DYNC1LI1: variants seen among roughly 807,000 people sequenced by gnomAD.
DYNC1LI1 encodes dynein cytoplasmic 1 light intermediate chain 1, also known as cytoplasmic dynein 1 light intermediate chain 1.
A neutral mutation model predicts 63.8 loss-of-function variants in DYNC1LI1; 19 were observed. That is an observed-to-expected ratio of 0.30 (90% CI 0.21 to 0.44). DYNC1LI1 has a LOEUF of 0.44. Ranked by LOEUF, DYNC1LI1 falls within the 20% of genes least tolerant of loss-of-function variation. The pLI is 1.00. For synonymous variants in DYNC1LI1, 225 were observed against 232.3 expected, an observed-to-expected ratio of 0.97 and a Z score of 0.28; for missense variants, 565 against 630.2, an observed-to-expected ratio of 0.90 and a Z score of 1.11.
At chr3:32,539,070 G>A (rs897842944) in intron 5 of DYNC1LI1, among the ~76,000 whole-genome samples, 2 of 151,930 alleles carry the variant, frequency 1.3e-5, no homozygotes, top group Admixed American at 6.6e-5. Flanking sequence ...TAGTGCTGAC[G>A]GAACCAATGG....
At chr3:32,551,730 A>G (rs1391631215) in intron 2 of DYNC1LI1, among the ~76,000 whole-genome samples, 1 of 152,192 alleles carries the variant, frequency 6.6e-6, no homozygotes, top group Non-Finnish European at 1.5e-5. Context: ...CAGACAGAGA[A>G]GTCAGAGAAG....
At chr3:32,532,865 C>T (rs963091609) in intron 8 of DYNC1LI1, 121 bp downstream of exon 8, 1 of 1,373,722 alleles carries the variant, frequency 7.3e-7, no homozygotes, top group Non-Finnish European at 9.4e-7. Context: ...CAAAATTATA[C>T]TTAGAAACCC....
At chr3:32,538,011 A>AT (rs1697816003) in intron 5 of DYNC1LI1, among the ~76,000 whole-genome samples, 1 of 19,598 alleles carries the variant, frequency 5.1e-5, no homozygotes, top group Non-Finnish European at 7.9e-5. Flanking sequence ...TATATATAAT[A>AT]TATATATATA....
At chr3:32,558,808 T>C (rs758087854) in intron 2 of DYNC1LI1, among the ~76,000 whole-genome samples, 59 of 151,590 alleles carry the variant, frequency 3.9e-4, no homozygotes, top group Non-Finnish European at 7.2e-4. Flanking sequence ...ATCGCACCAT[T>C]GCACTCTAGC....
rs778624126 is a variant in DYNC1LI1, at chr3:32,570,659, C to G, written c.112G>C (p.Ala38Pro). The stretch of plus-strand genomic sequence containing the variant: ...TGCCCGTCCTCGTCGTCGCCTGCCG[C>G]GGCGCCACCGTTGCCCGACGCTATC... The part of the protein sequence containing the change: ...NEIASGNGGA[A>P]AGDDEDGQNL... The change falls in exon 1 of 13, where the codon GCG becomes CCG. Residue 38 changes from alanine to proline, a missense_variant. Coordinates refer to ENST00000273130, the MANE Select transcript of DYNC1LI1 (RefSeq NM_016141.4). 10 of 1,597,756 alleles carry G rather than the reference C, an allele frequency of 6.3e-6. No individual in the cohort carries two copies. Among genetic ancestry groups the G allele is most frequent in the Non-Finnish European group, 8.5e-6 (10 of 1,172,994 alleles).
chr3:32,538,642 TG>T (rs1256311210), intron 5 of DYNC1LI1, among the ~76,000 whole-genome samples: 1 of 151,758 alleles, frequency 6.6e-6, no homozygotes, highest in Non-Finnish European at 1.5e-5. Flanking sequence ...CGGAGCTCGC[TG>T]TGAGCCAAGA....
chr3:32,537,390 C>T (rs1697788711), intron 5 of DYNC1LI1: 1 of 178,822 alleles, frequency 5.6e-6, no homozygotes. Flanking sequence ...AATAACAAGC[C>T]TAGCTTGTTC....
chr3:32,570,456 C>T (rs1469012179), intron 1 of DYNC1LI1, 37 bp from the exon 2 acceptor site: 4 of 1,553,654 alleles, frequency 2.6e-6, no homozygotes, highest in Non-Finnish European at 3.5e-6. Flanking sequence ...GGCCGGAGGC[C>T]GGAGCCGCAG....
intron 5 of DYNC1LI1, among the ~76,000 whole-genome samples, chr3:32,540,010 GCCCGCCA>G (rs1047740353): frequency 2.7e-5 from 4 of 150,936 alleles, no homozygotes; most frequent in Non-Finnish European, 4.4e-5. Context: ...GACTAAAGGC[GCCCGCCA>G]CCACGCCTGG....
chr3:32,559,903 T>C (rs1698166786), intron 2 of DYNC1LI1, among the ~76,000 whole-genome samples: 3 of 152,322 alleles, frequency 2.0e-5, no homozygotes, highest in East Asian at 1.9e-4. Context: ...ATCTTCTGCA[T>C]GGCCTTCCAC....
At chr3:32,563,622 C>T (rs1164987022) in intron 2 of DYNC1LI1, among the ~76,000 whole-genome samples, 5 of 152,190 alleles carry the variant, frequency 3.3e-5, no homozygotes, top group African/African-American at 4.8e-5. Context: ...GAGTCCCACG[C>T]TAAATTTTAG....
intron 2 of DYNC1LI1, among the ~76,000 whole-genome samples, chr3:32,563,618 C>T (rs1698221594): frequency 6.6e-6 from 1 of 152,120 alleles, no homozygotes. Context: ...GACAGAGTCC[C>T]ACGCTAAATT....
intron 2 of DYNC1LI1, among the ~76,000 whole-genome samples, chr3:32,566,089 C>G (rs9882197): frequency 0.03 from 4,506 of 152,126 alleles, 238 homozygotes; most frequent in African/African-American, 0.1. Context: ...TTGGGCAACA[C>G]GGTGAGACCT....
At chr3:32,533,347 T>C (rs900488634) in intron 7 of DYNC1LI1, among the ~76,000 whole-genome samples, 2 of 152,120 alleles carry the variant, frequency 1.3e-5, no homozygotes, top group African/African-American at 2.4e-5. Context: ...CATGGTGGCA[T>C]GCACCTGTAG....
Position 32,526,874 on chromosome 3 carries a change from T to C in DYNC1LI1, c.1497A>G (p.Leu499=). The part of the protein sequence containing the change: ...QKPVLDVHAE[L]DRITRKPVTV... ...TAACTGGTTTTCGTGTAATTCTGTC[T>C]AGTTCTGCATGAACATCTAAGACAG... The change falls in exon 13 of 13, where the codon CTA becomes CTG. Residue 499 remains leucine, a synonymous_variant. Transcript: ENST00000273130. The C allele has an allele frequency of 6.2e-7, 1 of 1,614,046 alleles. No individual in the cohort carries two copies. Among genetic ancestry groups the C allele is most frequent in the South Asian group, 1.1e-5 (1 of 91,080 alleles).
chr3:32,564,987 GA>G (rs1227076816), intron 2 of DYNC1LI1, among the ~76,000 whole-genome samples: 6 of 152,026 alleles, frequency 3.9e-5, no homozygotes, highest in Admixed American at 1.3e-4. Context: ...TGAAGGGGGG[GA>G]AAAAAGACTT....
chr3:32,556,379 C>A (rs2125442923), intron 2 of DYNC1LI1, among the ~76,000 whole-genome samples: 1 of 152,316 alleles, frequency 6.6e-6, no homozygotes, highest in Middle Eastern at 3.4e-3. Context: ...GGTATGTCCC[C>A]CACATTCAAC....
intron 7 of DYNC1LI1, among the ~76,000 whole-genome samples, chr3:32,534,106 T>C (rs558131604): frequency 9.9e-5 from 15 of 151,654 alleles, no homozygotes; most frequent in Non-Finnish European, 1.8e-4. Flanking sequence ...CTCGAACTCC[T>C]GACATCAGGT....
intron 2 of DYNC1LI1, among the ~76,000 whole-genome samples, chr3:32,558,381 T>TC (rs1698143672): frequency 6.9e-6 from 1 of 145,416 alleles, no homozygotes; most frequent in Non-Finnish European, 1.5e-5. Context: ...TTTTGTTTTA[T>TC]TCCCCCAACT....
Sources: gnomAD v4.1 joint callset for allele counts (sites outside exome capture counted in the v4.1 genomes callset) on GRCh38, gnomAD v4.1.1 for gene constraint, MANE v1.5 for transcripts, NCBI Gene and HGNC (gene_info 2026-07-23, HGNC 2026-07-21) for gene names.